SEC16B: variants seen among roughly 807,000 people sequenced by gnomAD.
SEC16B encodes the protein protein transport protein Sec16B.
SEC16B carries 115 observed loss-of-function variants against 141.8 expected under a neutral mutation model. The ratio of observed to expected loss-of-function variants is 0.81; its 90% CI spans 0.70 to 0.95. The LOEUF is 0.95. Ranked by LOEUF, SEC16B falls within the 40% of genes least tolerant of loss-of-function variation. The pLI is 0.00. For missense variants in SEC16B, 1,291 were observed against 1,312.3 expected (o/e 0.98, Z 0.25); for synonymous variants, 493 against 492.5 (o/e 1.00, Z -0.01).
chr1:177,944,809 G>A (rs1237968358), intron 14 of SEC16B, 143 bp from the exon 15 acceptor site: 4 of 608,520 alleles, frequency 6.6e-6, no homozygotes, highest in East Asian at 2.9e-5. Flanking sequence ...TTCAAGAGAA[G>A]AAGGAGACTC....
At chr1:177,951,109 T>C (rs868711989) in intron 12 of SEC16B, among the ~76,000 whole-genome samples, 3 of 152,074 alleles carry the variant, frequency 2.0e-5, no homozygotes, top group Middle Eastern at 3.2e-3. Context: ...ATTATAGATA[T>C]AATTCATACG....
In SEC16B at chr1:177,940,652, G is replaced by A; in HGVS notation, c.2085C>T (p.Asp695=). ...LVLERRSGDR[D]LEPDWLAQLR... is the part of the protein sequence containing the mutation. ...GTTGCGCTAGCCAATCTGGCTCCAG[G>A]TCCCTGTCTCCACTGCGTCTTTCTA... Residue 695 remains aspartate, a synonymous_variant, in exon 17 of 26, where the codon GAC becomes GAT. Transcript: ENST00000308284. 1.9e-5 allele frequency: 30 copies of A among 1,613,870 alleles called. No homozygotes were observed. The highest frequency in any genetic ancestry group is 2.5e-5 in the Non-Finnish European group (30 of 1,179,858).
At chr1:177,947,750 G>A (rs1405914451) in intron 13 of SEC16B, 75 bp downstream of exon 13, 125 of 740,548 alleles carry the variant, frequency 1.7e-4, no homozygotes, top group Middle Eastern at 3.8e-4. Flanking sequence ...GAGGGGAGGT[G>A]AGGAAAGGGA....
chr1:177,937,087 T>A, intron 19 of SEC16B, 127 bp downstream of exon 19: 2 of 1,020,794 alleles, frequency 2.0e-6, no homozygotes, highest in Non-Finnish European at 2.8e-6. Context: ...CGGGCACACA[T>A]CCACGCATCT....
chr1:177,940,256 A>G (rs1469527221), intron 17 of SEC16B, among the ~76,000 whole-genome samples: 1 of 152,210 alleles, frequency 6.6e-6, no homozygotes, highest in Non-Finnish European at 1.5e-5. Flanking sequence ...TGAAAGTGAC[A>G]CTGGTCCACT....
chr1:177,941,601 C>T lies in SEC16B; in HGVS notation c.2022+299G>A, dbSNP rs183720333. Among the ~76,000 whole-genome samples the T allele has an allele frequency of 5.8e-3, 878 of 152,128 alleles. 10 individuals carry two copies. Among genetic ancestry groups the T allele is most frequent in the African/African-American group, 0.02 (841 of 41,502 alleles). ...AGCTTTTATAATTAGAATGGTTCACCGTAGCATGTAGTTTTACTGTACCAG... is the reference window on the plus strand; with the variant it reads ...AGCTTTTATAATTAGAATGGTTCACTGTAGCATGTAGTTTTACTGTACCAG... On this transcript the variant is annotated intron_variant, in intron 16 of 25. Transcript: ENST00000308284.
intron 11 of SEC16B, among the ~76,000 whole-genome samples, 193 bp from the exon 12 acceptor site, chr1:177,952,188 G>A (rs933193506): frequency 5.9e-5 from 9 of 152,072 alleles, no homozygotes; most frequent in East Asian, 3.9e-4. Context: ...TCATTCTACC[G>A]CACACCCCAG....
upstream of SEC16B, among the ~76,000 whole-genome samples, chr1:177,974,544 A>G (rs1169813299): frequency 1.3e-5 from 2 of 152,214 alleles, no homozygotes; most frequent in Non-Finnish European, 2.9e-5. Flanking sequence ...ATTGAGAAAG[A>G]CAACAAGTAA....
At position 177,951,984 on chromosome 1, in the gene SEC16B, G is replaced by C. The variant is rs112199919; in HGVS notation, c.1475C>G (p.Thr492Arg). The change falls in exon 12 of 26, where the codon ACG becomes AGG. Residue 492 changes from threonine (T) to arginine (R), a missense_variant. By Grantham distance (71) the Thr-to-Arg change is moderately conservative. This residue lies in a region of SEC16B where 681 missense variants were observed against 675.5 expected (regional missense o/e 1.01). Coordinates refer to ENST00000308284, the MANE Select transcript of SEC16B (RefSeq NM_033127.4). Reference sequence around the variant, plus strand: ...CTGCAGTGGGTCATTGAGCGCCAGCGTGCTGGTGAAGCTGCGGAGAGAAGG... The same window carrying C: ...CTGCAGTGGGTCATTGAGCGCCAGCCTGCTGGTGAAGCTGCGGAGAGAAGG... ...YSWVMSGFTS[T>R]LALNDPLQTL... 6.2e-7 allele frequency: 1 copy of C among 1,602,540 alleles called. No individual in the cohort carries two copies. Among genetic ancestry groups the C allele is most frequent in the Non-Finnish European group, 8.5e-7 (1 of 1,174,988 alleles).
rs369658623 is a variant in SEC16B at position 177,932,748 on chromosome 1, G to A, written c.2882C>T (p.Ser961Phe). The A allele has an allele frequency of 1.6e-5, 26 of 1,611,278 alleles. No homozygotes were observed. The African/African-American group carries it at 3.3e-4, about 21-fold the overall frequency. Residue 961 changes from serine to phenylalanine, a missense_variant, in exon 23 of 26, where the codon TCC (serine) becomes TTC (phenylalanine). Physicochemically the swap from Ser to Phe is radical, Grantham distance 155. Around this residue, in one of 3 missense-constraint regions of SEC16B, gnomAD observed 605 missense variants for 614.1 expected, o/e 0.99. Transcript: ENST00000308284. ...QAGLGLSLTP[S>F]PESPPLPDVS... ...ATCCGGCAGAGGTGGGGACTCAGGGGAAGGTGTCAGTGAGAGGCCCAGGCC... is the reference window on the plus strand; with the variant it reads ...ATCCGGCAGAGGTGGGGACTCAGGGAAAGGTGTCAGTGAGAGGCCCAGGCC...
rs1432974219 is a variant in SEC16B at position 177,967,848 on chromosome 1, C to G, written c.134G>C (p.Arg45Thr). 4 of 1,614,020 alleles carry G rather than the reference C, an allele frequency of 2.5e-6. No individual in the cohort carries two copies. The highest frequency in any genetic ancestry group is 3.4e-6 in the Non-Finnish European group (4 of 1,179,900). Residue 45 changes from arginine (R) to threonine (T), a missense_variant, in exon 2 of 26, where the codon AGG (arginine) becomes ACG (threonine). Physicochemically the swap from Arg to Thr is moderately conservative, Grantham distance 71. This residue lies in a region of SEC16B where 681 missense variants were observed against 675.5 expected (regional missense o/e 1.01). Coordinates refer to ENST00000308284, the MANE Select transcript of SEC16B (RefSeq NM_033127.4). The part of the protein sequence containing the change: ...PVPHSWHNGE[R>T]FHQWQDNRGS... Reference sequence around the variant, plus strand: ...ACGGTTGTCTTGCCATTGGTGAAACCTCTCTCCATTGTGCCAAGAGTGAGG... The same window carrying G: ...ACGGTTGTCTTGCCATTGGTGAAACGTCTCTCCATTGTGCCAAGAGTGAGG...
chr1:177,943,946 A>G (rs1651474569), intron 15 of SEC16B, among the ~76,000 whole-genome samples: 1 of 152,208 alleles, frequency 6.6e-6, no homozygotes, highest in South Asian at 2.1e-4. Flanking sequence ...GAGCTCACAG[A>G]GGATTTAGAC....
chr1:177,945,430 T>C (rs1238927622), intron 14 of SEC16B: 1 of 152,250 alleles, frequency 6.6e-6, no homozygotes, highest in Non-Finnish European at 1.5e-5. Context: ...TACACACTTA[T>C]TGTACATTTG....
intron 18 of SEC16B, among the ~76,000 whole-genome samples, chr1:177,937,808 A>T: frequency 6.6e-6 from 1 of 152,122 alleles, no homozygotes; most frequent in South Asian, 2.1e-4. Context: ...GGACCCCAGA[A>T]AAACCTTAAA....
At chr1:177,948,040 G>C in intron 12 of SEC16B, 98 bp from the exon 13 acceptor site, 3 of 960,052 alleles carry the variant, frequency 3.1e-6, no homozygotes, top group East Asian at 2.6e-5. Context: ...GAAGTGGTCA[G>C]AGAATGCCCA....
intron 11 of SEC16B, among the ~76,000 whole-genome samples, chr1:177,953,003 A>ATTTTT (rs59988344): frequency 1.6e-5 from 2 of 127,976 alleles, no homozygotes; most frequent in African/African-American, 5.9e-5. Context: ...TGGAAGTGTC[A>ATTTTT]TTTTTTTTTT....
At chr1:177,953,003 ATTT>A (rs59988344) in intron 11 of SEC16B, among the ~76,000 whole-genome samples, 9 of 127,930 alleles carry the variant, frequency 7.0e-5, no homozygotes, top group Admixed American at 8.2e-5. Flanking sequence ...TGGAAGTGTC[ATTT>A]TTTTTTTTTT....
Position 177,967,781 on chromosome 1 carries a change from C to T in SEC16B, c.201G>A (p.Gln67=). 2 of 1,614,022 alleles carry T rather than the reference C, an allele frequency of 1.2e-6. No individual in the cohort carries two copies. Among genetic ancestry groups the T allele is most frequent in the Non-Finnish European group, 1.7e-6 (2 of 1,179,882 alleles). ...GCCTGGATGCATAATGGGGCTGCTGCTGATGGTCTGCCCTGGGCTCCTGCT... is the reference window on the plus strand; with the variant it reads ...GCCTGGATGCATAATGGGGCTGCTGTTGATGGTCTGCCCTGGGCTCCTGCT... ...QPQQEPRADH[Q]QQPHYASRPG... Residue 67 remains glutamine, a synonymous_variant, in exon 2 of 26, where the codon CAG becomes CAA. Coordinates refer to ENST00000308284, the MANE Select transcript of SEC16B (RefSeq NM_033127.4).
At position 177,959,074 on chromosome 1, in the gene SEC16B, G is replaced by T; in HGVS notation, c.999-99C>A. 5 of 1,282,274 alleles carry T rather than the reference G, an allele frequency of 3.9e-6. No individual in the cohort carries two copies. In the Middle Eastern group the frequency reaches 9.1e-4, roughly 232 times the overall value. 79.4% of individuals were successfully genotyped at this position (1,282,274 alleles called of 1,614,324 possible). The stretch of plus-strand genomic sequence containing the variant: ...TAAGTGTGCAAGTGCTGGCTGGGCT[G>T]TGATTGAGATAGAAATCTGACAAGC... On this transcript the variant is annotated intron_variant, in intron 8 of 25. Coordinates refer to ENST00000308284, the MANE Select transcript of SEC16B (RefSeq NM_033127.4).
Sources: gnomAD v4.1 joint callset for allele counts (sites outside exome capture counted in the v4.1 genomes callset) on GRCh38, gnomAD v4.1.1 for gene constraint, gnomAD v4.1.1 regional missense constraint, MANE v1.5 for transcripts, NCBI Gene and HGNC (gene_info 2026-07-23, HGNC 2026-07-21) for gene names.